IL36B: variants seen among roughly 807,000 people sequenced by gnomAD.
The protein encoded by IL36B is interleukin 36 beta.
In IL36B, 23 loss-of-function variants were observed where a neutral mutation model predicts 19.3. That is an observed-to-expected ratio of 1.19 (90% CI 0.86 to 1.69). The LOEUF (loss-of-function observed/expected upper bound fraction) is 1.69, where lower values mean the gene tolerates loss of function less well. Among genes scored for constraint, IL36B ranks in the 40% most tolerant of loss-of-function variants. The pLI is 0.00. For synonymous variants in IL36B, 59 were observed against 59.7 expected (o/e 0.99, Z 0.05); for missense variants, 217 against 200.5 (o/e 1.08, Z -0.50).
rs78321257 is a variant in IL36B at position 113,041,852 on chromosome 2, A to G, written c.-57-10086T>C. On this transcript the variant is annotated intron_variant, in intron 1 of 5. Coordinates refer to ENST00000259213, the MANE Select transcript of IL36B (RefSeq NM_014438.5). ...AAGGCAGCCTTGAACTCCTGGGCTC[A>G]AGAGATCCTCCTGCCTCAGCCTCCC... is the stretch of plus-strand genomic sequence containing the variant. Among the ~76,000 whole-genome samples the G allele has an allele frequency of 4.4e-3, 674 of 152,318 alleles. 3 individuals carry two copies. The highest frequency in any genetic ancestry group is 7.2e-3 in the Admixed American group (110 of 15,300).
chr2:113,045,170 T>C lies in IL36B; in HGVS notation c.-58+7647A>G, dbSNP rs577427483. 4.6e-5 allele frequency among the ~76,000 whole-genome samples: 7 copies of C among 152,312 alleles called. No individual in the cohort carries two copies. In the East Asian group the frequency reaches 1.3e-3, roughly 29 times the overall value. On this transcript the variant is annotated intron_variant, in intron 1 of 5. Coordinates refer to ENST00000259213, the MANE Select transcript of IL36B (RefSeq NM_014438.5). ...AAATTCTTATTTCCATACAGTATTA[T>C]TTTCTTTCTGTGTGTGTCTGAAAAG...
chr2:113,036,918 C>T (rs1448509770), intron 1 of IL36B, among the ~76,000 whole-genome samples: 1 of 152,248 alleles, frequency 6.6e-6, no homozygotes, highest in Non-Finnish European at 1.5e-5. Flanking sequence ...TGCATCCTGC[C>T]TGCAGGGAAT....
chr2:113,042,565 T>C (rs1685277807), intron 1 of IL36B, among the ~76,000 whole-genome samples: 1 of 152,242 alleles, frequency 6.6e-6, no homozygotes. Context: ...GTTTTGTAAT[T>C]TTATATAAAG....
Position 113,029,218 on chromosome 2 carries a change from A to G in IL36B, c.122-140T>C. The G allele has an allele frequency of 3.7e-6, 3 of 818,668 alleles. No homozygotes were observed. In the South Asian group the frequency reaches 6.5e-5, roughly 18 times the overall value. The allele number at this position is 818,668 out of a possible 1,614,324, so 50.7% of individuals were successfully genotyped here. On this transcript the variant is annotated intron_variant, in intron 3 of 5. Coordinates refer to ENST00000259213, the MANE Select transcript of IL36B (RefSeq NM_014438.5). ...ACCCTCCATCACCCTCCTCAAACCT[A>G]TTTTGTTTTTCGTCCTTAATAACAG...
At position 113,031,116 on chromosome 2, in the gene IL36B, C is replaced by T. The variant is rs759193634; in HGVS notation, c.53G>A (p.Arg18Gln). The T allele has an allele frequency of 2.4e-5, 38 of 1,614,012 alleles. No individual in the cohort carries two copies. The South Asian group carries it at 2.5e-4, about 11-fold the overall frequency. Residue 18 changes from arginine (R) to glutamine (Q), a missense_variant, in exon 3 of 6, where the codon CGA (arginine) becomes CAA (glutamine). By Grantham distance (43) the Arg-to-Gln change is conservative. Coordinates refer to ENST00000259213, the MANE Select transcript of IL36B (RefSeq NM_014438.5). Reference sequence around the variant, plus strand: ...TCCACTCAGGACCCACACCATCTGTCGAGAATCACGAATAGCATAGGATTT... The same window carrying T: ...TCCACTCAGGACCCACACCATCTGTTGAGAATCACGAATAGCATAGGATTT...
intron 5 of IL36B, among the ~76,000 whole-genome samples, chr2:113,024,741 C>G (rs904504606): frequency 1.3e-5 from 2 of 152,184 alleles, no homozygotes; most frequent in Non-Finnish European, 2.9e-5. Flanking sequence ...CTTGGAATAG[C>G]TGGGAAGCTG....
intron 1 of IL36B, among the ~76,000 whole-genome samples, chr2:113,043,459 G>T (rs1268240760): frequency 6.6e-6 from 1 of 152,162 alleles, no homozygotes; most frequent in Non-Finnish European, 1.5e-5. Flanking sequence ...TCCATATGCT[G>T]CAAGAAATGG....
rs755811144 is a variant in IL36B, at chr2:113,031,126, G to T, written c.43C>A (p.Arg15Ser). The change falls in exon 3 of 6, where the codon CGT becomes AGT. Residue 15 changes from arginine (R) to serine (S), a missense_variant. Transcript: ENST00000259213. The stretch of plus-strand genomic sequence containing the variant: ...ACCCACACCATCTGTCGAGAATCAC[G>T]AATAGCATAGGATTTGGGTGCTGCC... The T allele has an allele frequency of 6.2e-7, 1 of 1,614,066 alleles. No homozygotes were observed. Among genetic ancestry groups the T allele is most frequent in the Non-Finnish European group, 8.5e-7 (1 of 1,179,902 alleles).
chr2:113,051,860 G>T (rs986539879), intron 1 of IL36B, among the ~76,000 whole-genome samples: 3 of 151,880 alleles, frequency 2.0e-5, no homozygotes, highest in Non-Finnish European at 4.4e-5. Flanking sequence ...GATAAATTCC[G>T]TCCAACCCAA....
At chr2:113,039,183 G>A (rs910238808) in intron 1 of IL36B, among the ~76,000 whole-genome samples, 1 of 152,198 alleles carries the variant, frequency 6.6e-6, no homozygotes, top group African/African-American at 2.4e-5. Context: ...GATATAGTCG[G>A]TGTCTGCTGT....
intron 3 of IL36B, 91 bp downstream of exon 3, chr2:113,030,957 G>A (rs1022840667): frequency 9.0e-5 from 81 of 903,410 alleles, no homozygotes; most frequent in Non-Finnish European, 1.4e-4. Context: ...AAGTGGGTGA[G>A]GTCCAGGGCC....
intron 5 of IL36B, among the ~76,000 whole-genome samples, chr2:113,024,127 C>G (rs969209081): frequency 6.6e-6 from 1 of 152,146 alleles, no homozygotes; most frequent in Non-Finnish European, 1.5e-5. Flanking sequence ...AGGGGACAAA[C>G]TATCTTTGAG....
chr2:113,042,828 T>C (rs972631320), intron 1 of IL36B, among the ~76,000 whole-genome samples: 10 of 152,206 alleles, frequency 6.6e-5, no homozygotes, highest in Non-Finnish European at 8.8e-5. Flanking sequence ...GGCTGGATCA[T>C]AGGGTTGGTA....
intron 1 of IL36B, 132 bp downstream of exon 1, chr2:113,052,685 G>C (rs189337008): frequency 6.6e-6 from 1 of 152,368 alleles, no homozygotes; most frequent in Non-Finnish European, 1.5e-5. Context: ...TGTTGGAGCT[G>C]AGTCCATGCC....
In IL36B at chr2:113,031,620, A is replaced by G. The variant is rs370034171; in HGVS notation, c.13+77T>C. On this transcript the variant is annotated intron_variant, in intron 2 of 5. Transcript: ENST00000259213. ...ATACATTTATAGCTTAGCAAATGATAGGGGTCCTTCCATCCTATTGTCTTT... is the reference window on the plus strand; with the variant it reads ...ATACATTTATAGCTTAGCAAATGATGGGGGTCCTTCCATCCTATTGTCTTT... 1.8e-4 allele frequency: 214 copies of G among 1,204,032 alleles called. No homozygotes were observed. In the African/African-American group the frequency reaches 2.7e-3, roughly 15 times the overall value. 74.6% of individuals were successfully genotyped at this position (1,204,032 alleles called of 1,614,324 possible). A position where few individuals can be genotyped will look rare whatever the true frequency, so the allele number is the denominator to read the frequency against.
chr2:113,031,023 A>G (rs372254110), intron 3 of IL36B, 25 bp downstream of exon 3: 3 of 1,517,534 alleles, frequency 2.0e-6, no homozygotes, highest in East Asian at 4.5e-5. Flanking sequence ...CTCAAGAAGC[A>G]ACAGTGGGTT....
chr2:113,036,008 T>C (rs988996360), intron 1 of IL36B, among the ~76,000 whole-genome samples: 1 of 152,222 alleles, frequency 6.6e-6, no homozygotes, highest in Non-Finnish European at 1.5e-5. Flanking sequence ...AGTGGCGCGA[T>C]CTTGGCTCAC....
chr2:113,030,698 A>G (rs1371410940), intron 3 of IL36B, among the ~76,000 whole-genome samples: 1 of 151,900 alleles, frequency 6.6e-6, no homozygotes, highest in Non-Finnish European at 1.5e-5. Flanking sequence ...TTGGTGGTGG[A>G]AAGATGACGG....
intron 4 of IL36B, among the ~76,000 whole-genome samples, chr2:113,026,852 T>G (rs1684971270): frequency 6.6e-6 from 1 of 152,210 alleles, no homozygotes; most frequent in African/African-American, 2.4e-5. Context: ...ATAAATGATT[T>G]TTTAAAATAT....
Sources: gnomAD v4.1 joint callset for allele counts (sites outside exome capture counted in the v4.1 genomes callset) on GRCh38, gnomAD v4.1.1 for gene constraint, MANE v1.5 for transcripts, NCBI Gene and HGNC (gene_info 2026-07-23, HGNC 2026-07-21) for gene names.